Variants in SLC17A5 observed in about 807,000 individuals in gnomAD.
SLC17A5 encodes the protein solute carrier family 17 member 5, also known as sialin.
In SLC17A5, 47 loss-of-function variants were observed where a neutral mutation model predicts 59.4. The observed-to-expected ratio is 0.79, with a 90% CI of 0.63 to 1.01. The LOEUF is 1.01. Among genes scored for constraint, SLC17A5 ranks in the 50% least tolerant of loss-of-function variants. SLC17A5 has a pLI of 0.00. For missense variants in SLC17A5, 522 were observed against 595.5 expected, an observed-to-expected ratio of 0.88 and a Z score of 1.28; for synonymous variants, 202 against 210.7, an observed-to-expected ratio of 0.96 and a Z score of 0.36.
intron 9 of SLC17A5, 35 bp from the exon 10 acceptor site, chr6:73,600,476 GA>G (rs1767006136): frequency 7.3e-7 from 1 of 1,375,220 alleles, no homozygotes; most frequent in South Asian, 1.2e-5. Flanking sequence ...TTATTATTGT[GA>G]TACACATTTA....
At chr6:73,602,119 C>T (rs1767153611) in intron 9 of SLC17A5, among the ~76,000 whole-genome samples, 1 of 151,750 alleles carries the variant, frequency 6.6e-6, no homozygotes, top group Non-Finnish European at 1.5e-5. Flanking sequence ...CCTTGGGATC[C>T]TGTTGATCGG....
chr6:73,622,565 C>T (rs757549287), intron 6 of SLC17A5, among the ~76,000 whole-genome samples: 6 of 152,188 alleles, frequency 3.9e-5, no homozygotes, highest in Non-Finnish European at 7.3e-5. Flanking sequence ...GCTGGGATTA[C>T]AGGCGTGAGC....
chr6:73,602,471 A>AC (rs1485602290), intron 9 of SLC17A5, among the ~76,000 whole-genome samples: 10 of 152,044 alleles, frequency 6.6e-5, no homozygotes, highest in East Asian at 5.8e-4. Context: ...AACAACAACA[A>AC]AAAACATTAA....
chr6:73,600,209 C>T, intron 10 of SLC17A5, 142 bp downstream of exon 10: 1 of 707,386 alleles, frequency 1.4e-6, no homozygotes, highest in Non-Finnish European at 2.5e-6. Context: ...CTTTCCCATC[C>T]ATTAAGGCAT....
At chr6:73,601,255 A>G (rs1351435035) in intron 9 of SLC17A5, among the ~76,000 whole-genome samples, 1 of 143,244 alleles carries the variant, frequency 7.0e-6, no homozygotes. Flanking sequence ...GAAGGTGAGG[A>G]GCGTCTCTGC....
intron 10 of SLC17A5, among the ~76,000 whole-genome samples, chr6:73,597,808 CAAAA>C: frequency 6.6e-6 from 1 of 151,640 alleles, no homozygotes; most frequent in East Asian, 1.9e-4. Context: ...AACAAACAAA[CAAAA>C]AACCCAAACA....
chr6:73,601,753 C>T (rs1462560134), intron 9 of SLC17A5, among the ~76,000 whole-genome samples: 6 of 134,038 alleles, frequency 4.5e-5, no homozygotes, highest in Non-Finnish European at 8.1e-5. Context: ...TCTGCCCAGC[C>T]GCCCCTACTG....
Position 73,610,324 on chromosome 6 carries a change from G to A in SLC17A5, c.1259+76C>T, listed in dbSNP as rs184116552. 248 of 1,548,256 alleles carry A rather than the reference G, an allele frequency of 1.6e-4. No homozygotes were observed. In the African/African-American group the frequency reaches 2.7e-3, roughly 17 times the overall value. On this transcript the variant is annotated intron_variant, in intron 9 of 10. Transcript: ENST00000355773. ...GCTGGGATTACAGGTGTGAGTCACC[G>A]CCTCTGGCCTTTTATCAGGATTTTT...
At chr6:73,640,761 A>G (rs974405680) in intron 3 of SLC17A5, among the ~76,000 whole-genome samples, 2 of 152,202 alleles carry the variant, frequency 1.3e-5, no homozygotes, top group Non-Finnish European at 2.9e-5. Context: ...TACAAAAGAA[A>G]AGTGGGAAGG....
chr6:73,601,201 T>A (rs1320388375), intron 9 of SLC17A5, among the ~76,000 whole-genome samples: 1 of 145,994 alleles, frequency 6.8e-6, no homozygotes. Context: ...CGCCGCCCCG[T>A]CTGGGATGTG....
chr6:73,635,072 T>C (rs1375214178), intron 6 of SLC17A5, among the ~76,000 whole-genome samples: 1 of 152,104 alleles, frequency 6.6e-6, no homozygotes, highest in Non-Finnish European at 1.5e-5. Flanking sequence ...CAATACTTTG[T>C]TCATATTTAT....
At chr6:73,642,218 C>A (rs1481783981) in intron 2 of SLC17A5, among the ~76,000 whole-genome samples, 1 of 152,190 alleles carries the variant, frequency 6.6e-6, no homozygotes. Context: ...AGAAGGCTCA[C>A]AAAAGAATCA....
intron 8 of SLC17A5, 75 bp downstream of exon 8, chr6:73,615,240 T>C (rs752253916): frequency 2.7e-5 from 42 of 1,530,700 alleles, no homozygotes; most frequent in Non-Finnish European, 3.7e-5. Context: ...AAACACACTT[T>C]GTTTTCCTAT....
chr6:73,604,000 T>C (rs1767283528), intron 9 of SLC17A5, among the ~76,000 whole-genome samples: 1 of 152,158 alleles, frequency 6.6e-6, no homozygotes, highest in South Asian at 2.1e-4. Flanking sequence ...TTCAGTTATG[T>C]ATAAAGATCA....
chr6:73,628,344 C>T (rs1199312726), intron 6 of SLC17A5, among the ~76,000 whole-genome samples: 2 of 152,046 alleles, frequency 1.3e-5, no homozygotes, highest in Admixed American at 6.6e-5. Flanking sequence ...CCAAGGCAGG[C>T]GGATCACTTG....
At chr6:73,616,607 C>CT (rs767486363) in intron 7 of SLC17A5, among the ~76,000 whole-genome samples, 3,883 of 138,694 alleles carry the variant, frequency 0.028, 62 homozygotes, top group Non-Finnish European at 0.044. Context: ...ACTGGAGAGT[C>CT]TTTTTTTTTT....
intron 1 of SLC17A5, among the ~76,000 whole-genome samples, chr6:73,652,435 T>A (rs1029836437): frequency 2.0e-5 from 3 of 152,238 alleles, no homozygotes; most frequent in African/African-American, 4.8e-5. Flanking sequence ...TTAGCTATTC[T>A]AGTGGGTGTA....
At chr6:73,645,665 G>GT (rs1386392354) in intron 1 of SLC17A5, 1 of 184,376 alleles carries the variant, frequency 5.4e-6, no homozygotes, top group Non-Finnish European at 1.0e-5. Flanking sequence ...GCGGGCGCCT[G>GT]TAGTCCCAGC....
chr6:73,599,417 A>G (rs1302434246), intron 10 of SLC17A5, among the ~76,000 whole-genome samples: 1 of 152,110 alleles, frequency 6.6e-6, no homozygotes, highest in Non-Finnish European at 1.5e-5. Flanking sequence ...ATGCTGTAAC[A>G]TATCCCAAAT....
Sources: allele counts gnomAD v4.1 joint callset (sites outside exome capture counted in the v4.1 genomes callset), GRCh38; gene constraint gnomAD v4.1.1; transcripts MANE v1.5; gene names NCBI Gene and HGNC (gene_info 2026-07-23, HGNC 2026-07-21).